Variants in TP53RK observed in about 807,000 individuals in gnomAD.
TP53RK encodes the protein TP53 regulating kinase.
TP53RK carries 17 observed loss-of-function variants against 14.9 expected under a neutral mutation model. The ratio of observed to expected loss-of-function variants is 1.14; its 90% CI spans 0.78 to 1.71. The LOEUF is 1.71. Ranked by LOEUF, TP53RK falls within the 40% of genes most tolerant of loss-of-function variation. The pLI, the probability that TP53RK is intolerant of heterozygous loss-of-function variation, is 0.00. For synonymous variants in TP53RK, 131 were observed against 138.0 expected, an observed-to-expected ratio of 0.95 and a Z score of 0.36; for missense variants, 343 against 332.0, an observed-to-expected ratio of 1.03 and a Z score of -0.26.
In TP53RK at chr20:46,686,891, G is replaced by A. The variant is rs780858317; in HGVS notation, c.624C>T (p.Leu208=). 2.5e-6 allele frequency: 4 copies of A among 1,614,054 alleles called. No homozygotes were observed. The African/African-American group carries it at 5.3e-5, about 22-fold the overall frequency. Residue 208 remains leucine, a synonymous_variant, in exon 2 of 2, where the codon CTC becomes CTT. Transcript: ENST00000372114. The stretch of plus-strand genomic sequence containing the variant: ...CAGTTTCAGTGTTGGGATGGGTACT[G>A]AGGAAGGCCTTCTCCAGGACATAGA... ...VDLYVLEKAF[L]STHPNTETVF...
intron 1 of TP53RK, 54 bp from the exon 2 acceptor site, chr20:46,687,285 T>A: frequency 6.9e-7 from 1 of 1,450,450 alleles, no homozygotes. Flanking sequence ...ACGGGTAAAC[T>A]TAATTTTCAA....
chr20:46,686,826 T>G lies in TP53RK; in HGVS notation c.689A>C (p.Lys230Thr), dbSNP rs1232144811. The change falls in exon 2 of 2, where the codon AAA becomes ACA. Residue 230 changes from lysine (K) to threonine (T), a missense_variant. Coordinates refer to ENST00000372114, the MANE Select transcript of TP53RK (RefSeq NM_033550.4). ...AFLKSYSTSS[K>T]KARPVLKKLD... is the part of the protein sequence containing the mutation. ...TTTTTTTAGCACTGGCCTGGCCTTT[T>G]TGGAGGAGGTGGAGTAGCTCTTCAG... 1.9e-6 allele frequency: 3 copies of G among 1,614,040 alleles called. No homozygotes were observed. The Admixed American group carries it at 5.0e-5, about 27-fold the overall frequency.
chr20:46,687,244 C>T lies in TP53RK; in HGVS notation c.284-13G>A. 6.4e-7 allele frequency: 1 copy of T among 1,557,436 alleles called. No individual in the cohort carries two copies. The highest frequency in any genetic ancestry group is 8.7e-7 in the Non-Finnish European group (1 of 1,153,846). On this transcript the variant is annotated splice_polypyrimidine_tract_variant and intron_variant, in intron 1 of 1. Coordinates refer to ENST00000372114, the MANE Select transcript of TP53RK (RefSeq NM_033550.4). ...GGGGCAGATATTCCTGAAATCAAGACATAAGTGGTTATTGGGTTGGATTTT... is the reference window on the plus strand; with the variant it reads ...GGGGCAGATATTCCTGAAATCAAGATATAAGTGGTTATTGGGTTGGATTTT...
rs1249980250 is a variant in TP53RK at position 46,684,420 on chromosome 20, C to T, written c.*2333G>A. 6.6e-6 allele frequency: 1 copy of T among 152,186 alleles called. No homozygotes were observed. The highest frequency in any genetic ancestry group is 1.5e-5 in the Non-Finnish European group (1 of 68,036). 9.4% of individuals were successfully genotyped at this position (152,186 alleles called of 1,614,324 possible). On this transcript the variant is annotated 3_prime_UTR_variant, in exon 2 of 2. Coordinates refer to ENST00000372114, the MANE Select transcript of TP53RK (RefSeq NM_033550.4). ...CAGTTCAGCATGGCTGGGGATGCCTCAGAAAACTTATAATCATGGCAGATG... is the reference window on the plus strand; with the variant it reads ...CAGTTCAGCATGGCTGGGGATGCCTTAGAAAACTTATAATCATGGCAGATG...
intron 1 of TP53RK, 105 bp from the exon 2 acceptor site, chr20:46,687,336 G>T: frequency 1.0e-6 from 1 of 964,694 alleles, no homozygotes; most frequent in Non-Finnish European, 1.5e-6. Context: ...CTTATTTCAG[G>T]ACTATTGAGG....
rs2063177515 is a variant in TP53RK at position 46,685,696 on chromosome 20, G to A, written c.*1057C>T. On this transcript the variant is annotated 3_prime_UTR_variant, in exon 2 of 2. Transcript: ENST00000372114. ...ACCATTGTACCCAATACCCAACAGG[G>A]TGCCAAGTACCCAATACCCAACAGG... 1 of 152,152 alleles carries A rather than the reference G, an allele frequency of 6.6e-6. No individual in the cohort carries two copies. 9.4% of individuals were successfully genotyped at this position (152,152 alleles called of 1,614,324 possible).
In TP53RK at chr20:46,686,862, AAC is replaced by A. The variant is rs780540147; in HGVS notation, c.651_652del (p.Phe218Ter). ...GGAGTAGCTCTTCAGAAAGGCTTCA[AAC>A]ACAGTTTCAGTGTTGGGATGGGTAC... On this transcript the variant is annotated frameshift_variant, in exon 2 of 2. Coordinates refer to ENST00000372114, the MANE Select transcript of TP53RK (RefSeq NM_033550.4). LOFTEE classifies it high-confidence loss of function. 1.2e-5 allele frequency: 20 copies of A among 1,614,110 alleles called. No individual in the cohort carries two copies. In the South Asian group the frequency reaches 2.0e-4, roughly 16 times the overall value.
chr20:46,688,625 T>C (rs1356822092), intron 1 of TP53RK, among the ~76,000 whole-genome samples: 2 of 152,258 alleles, frequency 1.3e-5, no homozygotes, highest in African/African-American at 2.4e-5. Context: ...CCCTATGACA[T>C]GGATACTGCT....
intron 1 of TP53RK, among the ~76,000 whole-genome samples, chr20:46,688,490 G>C (rs974940994): frequency 6.6e-6 from 1 of 152,226 alleles, no homozygotes; most frequent in African/African-American, 2.4e-5. Flanking sequence ...TGGTGCTGGC[G>C]CACAATGATG....
At chr20:46,687,293 C>G in intron 1 of TP53RK, 62 bp from the exon 2 acceptor site, 1 of 1,396,854 alleles carries the variant, frequency 7.2e-7, no homozygotes, top group Non-Finnish European at 9.7e-7. Context: ...ACTTAATTTT[C>G]AAAGATTAAG....
intron 1 of TP53RK, among the ~76,000 whole-genome samples, chr20:46,687,822 G>C (rs554934928): frequency 6.6e-6 from 1 of 152,098 alleles, no homozygotes; most frequent in Non-Finnish European, 1.5e-5. Context: ...AAAGAGCAAG[G>C]CACAGCCCAG....
rs966180609 is a variant in TP53RK at position 46,684,947 on chromosome 20, A to G, written c.*1806T>C. On this transcript the variant is annotated 3_prime_UTR_variant, in exon 2 of 2. Coordinates refer to ENST00000372114, the MANE Select transcript of TP53RK (RefSeq NM_033550.4). Reference sequence around the variant, plus strand: ...CACAGATTTGGAGCCAGGTAAAAGTACCTCTTGCTACCTGTGACGTCTTGG... The same window carrying G: ...CACAGATTTGGAGCCAGGTAAAAGTGCCTCTTGCTACCTGTGACGTCTTGG... 5.9e-5 allele frequency: 9 copies of G among 152,132 alleles called. No homozygotes were observed. Among genetic ancestry groups the G allele is most frequent in the African/African-American group, 2.2e-4 (9 of 41,414 alleles). The allele number at this position is 152,132 out of a possible 1,614,324, so 9.4% of individuals were successfully genotyped here.
chr20:46,689,368 G>A lies in TP53RK; in HGVS notation c.47C>T (p.Ala16Val), dbSNP rs1361919704. 1.3e-6 allele frequency: 2 copies of A among 1,577,800 alleles called. No individual in the cohort carries two copies. The highest frequency in any genetic ancestry group is 1.7e-6 in the Non-Finnish European group (2 of 1,171,828). The change falls in exon 1 of 2, where the codon GCC (alanine) becomes GTC (valine). Residue 16 changes from alanine to valine, a missense_variant. Coordinates refer to ENST00000372114, the MANE Select transcript of TP53RK (RefSeq NM_033550.4). ...TGCGGCCAGAGCCTCAGCCTCCGGG[G>A]CGGGCTCCTCGCCATCGGCCGGCGT... is the stretch of plus-strand genomic sequence containing the variant. ...ATTPADGEEP[A>V]PEAEALAAAR... is the part of the protein sequence containing the mutation.
chr20:46,689,222 T>C lies in TP53RK; in HGVS notation c.193A>G (p.Lys65Glu), dbSNP rs1568972559. ...TCCAGCGCCGGGTGCCGGTAGCCCT[T>C]GGGGAAGCGGTGCTTGATCACCGCC... ...RAAVIKHRFP[K>E]GYRHPALEAR... The change falls in exon 1 of 2, where the codon AAG (lysine) becomes GAG (glutamate). Residue 65 changes from lysine to glutamate, a missense_variant. By Grantham distance (56) the Lys-to-Glu change is moderately conservative. Transcript: ENST00000372114. The C allele has an allele frequency of 6.5e-7, 1 of 1,528,938 alleles. No individual in the cohort carries two copies. Among genetic ancestry groups the C allele is most frequent in the Non-Finnish European group, 8.7e-7 (1 of 1,144,744 alleles). 94.7% of individuals were successfully genotyped at this position (1,528,938 alleles called of 1,614,324 possible). A position where few individuals can be genotyped will look rare whatever the true frequency, so the allele number is the denominator to read the frequency against.
rs1028449635 is a variant in TP53RK at position 46,687,334 on chromosome 20, A to G, written c.284-103T>C. The G allele has an allele frequency of 1.7e-5, 16 of 961,666 alleles. No individual in the cohort carries two copies. The South Asian group carries it at 2.3e-4, about 14-fold the overall frequency. The allele number at this position is 961,666 out of a possible 1,614,324, so 59.6% of individuals were successfully genotyped here. A position where few individuals can be genotyped will look rare whatever the true frequency, so the allele number is the denominator to read the frequency against. On this transcript the variant is annotated intron_variant, in intron 1 of 1. Transcript: ENST00000372114. The stretch of plus-strand genomic sequence containing the variant: ...TTTTCCATCTATATCTACTTATTTC[A>G]GGACTATTGAGGAATGCTACAGGAA...
At position 46,689,304 on chromosome 20, in the gene TP53RK, C is replaced by T; in HGVS notation, c.111G>A (p.Glu37=). Residue 37 remains glutamate (E), a synonymous_variant, in exon 1 of 2, where the codon GAG becomes GAA. Transcript: ENST00000372114. ...GCGCCTCGGCACCCTGCTTCACCAG[C>T]TCCAGGCCGCTCAAGAAGCGGCTGC... The part of the protein sequence containing the change: ...ERSSRFLSGL[E]LVKQGAEARV... 1 of 1,550,780 alleles carries T rather than the reference C, an allele frequency of 6.4e-7. No individual in the cohort carries two copies. The highest frequency in any genetic ancestry group is 1.4e-5 in the African/African-American group (1 of 73,562).
In TP53RK at chr20:46,689,207, G is replaced by C; in HGVS notation, c.208C>G (p.Pro70Ala). The C allele has an allele frequency of 1.3e-6, 2 of 1,524,416 alleles. No individual in the cohort carries two copies. The allele number at this position is 1,524,416 out of a possible 1,614,324, so 94.4% of individuals were successfully genotyped here. Residue 70 changes from proline to alanine, a missense_variant, in exon 1 of 2, where the codon CCG becomes GCG. Coordinates refer to ENST00000372114, the MANE Select transcript of TP53RK (RefSeq NM_033550.4). ...KHRFPKGYRH[P>A]ALEARLGRRR... ...CTGCCAAGCCGCGCCTCCAGCGCCG[G>C]GTGCCGGTAGCCCTTGGGGAAGCGG...
chr20:46,689,422 C>A lies in TP53RK; in HGVS notation c.-8G>T. ...AGCTCTGGCCGCCGCCATGACTGCT[C>A]GGCGCAACAGCTCCAACCGATCAGC... On this transcript the variant is annotated 5_prime_UTR_variant, in exon 1 of 2. Coordinates refer to ENST00000372114, the MANE Select transcript of TP53RK (RefSeq NM_033550.4). 6.5e-7 allele frequency: 1 copy of A among 1,546,720 alleles called. No homozygotes were observed. The highest frequency in any genetic ancestry group is 2.3e-5 in the East Asian group (1 of 43,068).
chr20:46,688,976 G>A, intron 1 of TP53RK, 156 bp downstream of exon 1: 3 of 868,930 alleles, frequency 3.5e-6, no homozygotes, highest in Non-Finnish European at 4.7e-6. Flanking sequence ...AATGAAAAAA[G>A]GGATGAAAGA....
Sources: gnomAD v4.1 joint callset for allele counts (sites outside exome capture counted in the v4.1 genomes callset) on GRCh38, gnomAD v4.1.1 for gene constraint, MANE v1.5 for transcripts, NCBI Gene and HGNC (gene_info 2026-07-23, HGNC 2026-07-21) for gene names.